Variants in COL9A2 observed in about 807,000 individuals in gnomAD.
COL9A2 encodes collagen alpha-2(IX) chain.
In COL9A2, 66 loss-of-function variants were observed where a neutral mutation model predicts 111.6. The ratio of observed to expected loss-of-function variants is 0.59; its 90% CI spans 0.48 to 0.73. COL9A2 has a LOEUF of 0.73. COL9A2 is among the 30% of genes least tolerant of loss of function. The pLI is 0.00. For missense variants in COL9A2, 881 were observed against 954.1 expected (o/e 0.92, Z 1.01); for synonymous variants, 353 against 364.1 (o/e 0.97, Z 0.35).
At chr1:40,308,523 TC>T (rs1644066102) in intron 16 of COL9A2, among the ~76,000 whole-genome samples, 2 of 152,142 alleles carry the variant, frequency 1.3e-5, no homozygotes, top group African/African-American at 4.8e-5. Context: ...GGCCCCACAA[TC>T]CACTCAGCCA....
At position 40,316,124 on chromosome 1, in the gene COL9A2, T is replaced by A. The variant is rs1386249216; in HGVS notation, c.76-460A>T. The A allele has an allele frequency of 6.1e-6, 1 of 163,344 alleles. No individual in the cohort carries two copies. The highest frequency in any genetic ancestry group is 1.3e-5 in the Non-Finnish European group (1 of 74,584). The allele number at this position is 163,344 out of a possible 1,614,324, so 10.1% of individuals were successfully genotyped here. On this transcript the variant is annotated intron_variant, in intron 1 of 31. Transcript: ENST00000372748. This position sits in a 1 kb window ranked among gnomAD's most constrained non-coding sequence, Gnocchi z 5.5. ...CAGTGAGCGGTGGCTCGGGTTGTTG[T>A]TCTTACGTGAACGACAGGCAGAGAC... is the stretch of plus-strand genomic sequence containing the variant.
In COL9A2 at chr1:40,308,557, A is replaced by G. The variant is rs74068391; in HGVS notation, c.847-312T>C. ...CCAAAGGAACACAACAACCGAATGC[A>G]GTGTGTGGATGCTGTGTGAGTCTTG... On this transcript the variant is annotated intron_variant, in intron 16 of 31. Transcript: ENST00000372748. 0.029 allele frequency among the ~76,000 whole-genome samples: 4,360 copies of G among 152,342 alleles called. 139 individuals carry two copies. Among genetic ancestry groups the G allele is most frequent in the East Asian group, 0.1 (520 of 5,188 alleles).
chr1:40,303,170 C>T lies in COL9A2; in HGVS notation c.1564G>A (p.Asp522Asn), dbSNP rs150020975. 6.2e-6 allele frequency: 10 copies of T among 1,612,054 alleles called. No homozygotes were observed. The African/African-American group carries it at 1.2e-4, about 19-fold the overall frequency. The change falls in exon 29 of 32, where the codon GAC becomes AAC. Residue 522 changes from aspartate (D) to asparagine (N), a missense_variant. By Grantham distance (23) the Asp-to-Asn change is conservative. Coordinates refer to ENST00000372748, the MANE Select transcript of COL9A2 (RefSeq NM_001852.4). This position sits in a 1 kb window ranked among gnomAD's most constrained non-coding sequence, Gnocchi z 4.6. ...RQGVEGRDAT[D>N]QHIVDVALKM... is the part of the protein sequence containing the mutation. ...AGCGCCACATCCACGATGTGCTGGTCAGTGGCATCCCGGCCCTGAAAGCAG... is the reference window on the plus strand; with the variant it reads ...AGCGCCACATCCACGATGTGCTGGTTAGTGGCATCCCGGCCCTGAAAGCAG...
intron 4 of COL9A2, among the ~76,000 whole-genome samples, chr1:40,313,822 C>T (rs1186889828): frequency 6.6e-6 from 1 of 152,154 alleles, no homozygotes; most frequent in African/African-American, 2.4e-5. Context: ...TGAGTCATGC[C>T]TGGGGCTGTG....
rs201605482 is a variant in COL9A2, at chr1:40,303,655, C to G, written c.1423G>C (p.Gly475Arg). The change falls in exon 28 of 32, where the codon GGC (glycine) becomes CGC (arginine). Residue 475 changes from glycine (G) to arginine (R), a missense_variant. Physicochemically the swap from Gly to Arg is moderately radical, Grantham distance 125. Coordinates refer to ENST00000372748, the MANE Select transcript of COL9A2 (RefSeq NM_001852.4). This position sits in a 1 kb window ranked among gnomAD's most constrained non-coding sequence, Gnocchi z 4.6. ...KGQQGVRGEP[G>R]YPGPSGDAGA... ...GCATCCCCGCTGGGGCCAGGGTAGCCGGGTTCTCCACGTACTCCTTGCTGC... is the reference window on the plus strand; with the variant it reads ...GCATCCCCGCTGGGGCCAGGGTAGCGGGGTTCTCCACGTACTCCTTGCTGC... 5 of 1,537,652 alleles carry G rather than the reference C, an allele frequency of 3.3e-6. No homozygotes were observed. The highest frequency in any genetic ancestry group is 8.8e-7 in the Non-Finnish European group (1 of 1,138,896).
chr1:40,312,604 C>T lies in COL9A2; in HGVS notation c.309G>A (p.Gln103=), dbSNP rs1334178862. ...GPMGIPGVKG[Q]PGLPGPPGLP... ...GGCCAGGAGGACCAGGAAGCCCGGGCTGGCCCTGCAGAAGCAACGAGAAAG... is the reference window on the plus strand; with the variant it reads ...GGCCAGGAGGACCAGGAAGCCCGGGTTGGCCCTGCAGAAGCAACGAGAAAG... The change falls in exon 6 of 32, where the codon CAG becomes CAA. Residue 103 remains glutamine (Q), a synonymous_variant. Transcript: ENST00000372748. This position sits in a 1 kb window ranked among gnomAD's most constrained non-coding sequence, Gnocchi z 6.0. 1 of 1,613,996 alleles carries T rather than the reference C, an allele frequency of 6.2e-7. No homozygotes were observed. Among genetic ancestry groups the T allele is most frequent in the Admixed American group, 1.7e-5 (1 of 60,000 alleles).
At position 40,316,887 on chromosome 1, in the gene COL9A2, G is replaced by A. The variant is rs1372875228; in HGVS notation, c.75+236C>T. ...TGCCCCACGCTGCCTGTCCCGGGCCGGGCCGCGCGTCTGGGGACGGGTCCC... is the reference window on the plus strand; with the variant it reads ...TGCCCCACGCTGCCTGTCCCGGGCCAGGCCGCGCGTCTGGGGACGGGTCCC... On this transcript the variant is annotated intron_variant, in intron 1 of 31. Transcript: ENST00000372748. The surrounding 1 kb of genome is among the most constrained non-coding windows in gnomAD (Gnocchi z 5.5). Among the ~76,000 whole-genome samples the A allele has an allele frequency of 6.6e-6, 1 of 152,196 alleles. No homozygotes were observed. Among genetic ancestry groups the A allele is most frequent in the Non-Finnish European group, 1.5e-5 (1 of 68,016 alleles).
In COL9A2 at chr1:40,312,281, A is replaced by G. The variant is rs1644142844; in HGVS notation, c.364-169T>C. On this transcript the variant is annotated intron_variant, in intron 7 of 31. Coordinates refer to ENST00000372748, the MANE Select transcript of COL9A2 (RefSeq NM_001852.4). The surrounding 1 kb of genome is among the most constrained non-coding windows in gnomAD (Gnocchi z 6.0). ...GGCTTTAAGGACCAGAGAATTGCAG[A>G]GCCAGTGGACAGGCCCAGAGTGGGC... is the stretch of plus-strand genomic sequence containing the variant. 1 of 1,029,958 alleles carries G rather than the reference A, an allele frequency of 9.7e-7. No individual in the cohort carries two copies. The highest frequency in any genetic ancestry group is 1.5e-6 in the Non-Finnish European group (1 of 681,282). The allele number at this position is 1,029,958 out of a possible 1,614,324, so 63.8% of individuals were successfully genotyped here.
At position 40,316,564 on chromosome 1, in the gene COL9A2, C is replaced by T. The variant is rs1043594441; in HGVS notation, c.75+559G>A. 27 of 453,456 alleles carry T rather than the reference C, an allele frequency of 6.0e-5. No individual in the cohort carries two copies. The highest frequency in any genetic ancestry group is 5.3e-4 in the African/African-American group (26 of 49,374). The allele number at this position is 453,456 out of a possible 1,614,324, so 28.1% of individuals were successfully genotyped here. On this transcript the variant is annotated intron_variant, in intron 1 of 31. Coordinates refer to ENST00000372748, the MANE Select transcript of COL9A2 (RefSeq NM_001852.4). This position sits in a 1 kb window ranked among gnomAD's most constrained non-coding sequence, Gnocchi z 5.5. ...GCAGGGGTCCCGGTGCCCACGACCT[C>T]CCCAGGCCGCGAAGTGCCAGGCTGG...
chr1:40,305,658 C>T (rs753633255), intron 21 of COL9A2, 57 bp downstream of exon 21: 65 of 1,515,920 alleles, frequency 4.3e-5, no homozygotes, highest in Non-Finnish European at 5.8e-5. Flanking sequence ...GTTAGGGCTC[C>T]ACCCCATGGC....
Position 40,311,900 on chromosome 1 carries a change from C to T in COL9A2, c.417+159G>A, listed in dbSNP as rs1485768674. ...GGGGCCAGCGGCGTCCCTAAAAGAC[C>T]TAGTGCCGGGTGGGCTCATAGGAGG... On this transcript the variant is annotated intron_variant, in intron 8 of 31. Transcript: ENST00000372748. The surrounding 1 kb of genome is among the most constrained non-coding windows in gnomAD (Gnocchi z 5.1). Among the ~76,000 whole-genome samples, 1 of 152,176 alleles carries T rather than the reference C, an allele frequency of 6.6e-6. No homozygotes were observed. The highest frequency in any genetic ancestry group is 2.1e-4 in the South Asian group (1 of 4,830).
chr1:40,309,043 C>T (rs1644074275), intron 16 of COL9A2, among the ~76,000 whole-genome samples: 1 of 152,086 alleles, frequency 6.6e-6, no homozygotes, highest in Non-Finnish European at 1.5e-5. Flanking sequence ...GTCAGGAGTT[C>T]GAGACCAGCC....
chr1:40,308,182 T>C lies in COL9A2; in HGVS notation c.900+10A>G. 6.2e-7 allele frequency: 1 copy of C among 1,614,024 alleles called. No individual in the cohort carries two copies. Among genetic ancestry groups the C allele is most frequent in the Non-Finnish European group, 8.5e-7 (1 of 1,179,908 alleles). ...CTCTGTCCTGGTGGGCCTAGGCCTC[T>C]GGCACCTACCGTTGCTCCTTTCGGG... is the stretch of plus-strand genomic sequence containing the variant. On this transcript the variant is annotated intron_variant, in intron 17 of 31. Transcript: ENST00000372748.
Position 40,301,296 on chromosome 1 carries a change from A to G in COL9A2, c.1956T>C (p.Pro652=). Residue 652 remains proline, a synonymous_variant, in exon 32 of 32, where the codon CCT becomes CCC. Transcript: ENST00000372748. ...SPGAPGEAGR[P]GLPGPVGLPG... Reference sequence around the variant, plus strand: ...GCAGCCCCACGGGGCCTGGCAGGCCAGGTCGACCTGCCTCTCCTGGAGCCC... The same window carrying G: ...GCAGCCCCACGGGGCCTGGCAGGCCGGGTCGACCTGCCTCTCCTGGAGCCC... 1 of 1,612,714 alleles carries G rather than the reference A, an allele frequency of 6.2e-7. No homozygotes were observed. The highest frequency in any genetic ancestry group is 8.5e-7 in the Non-Finnish European group (1 of 1,179,204).
intron 31 of COL9A2, 114 bp from the exon 32 acceptor site, chr1:40,301,495 A>C: frequency 1.1e-6 from 1 of 870,816 alleles, no homozygotes; most frequent in Non-Finnish European, 1.8e-6. Flanking sequence ...CCATAGGAGA[A>C]AGGACTCTGC....
rs1643923531 is a variant in COL9A2, at chr1:40,302,115, T to C, written c.1793-226A>G. On this transcript the variant is annotated intron_variant, in intron 30 of 31. Transcript: ENST00000372748. This position sits in a 1 kb window ranked among gnomAD's most constrained non-coding sequence, Gnocchi z 4.5. The stretch of plus-strand genomic sequence containing the variant: ...TTACAGGAAAGCAAGCATAACAATA[T>C]CTAGCATTTACTGTGTCTCAGTGAA... 6.6e-6 allele frequency among the ~76,000 whole-genome samples: 1 copy of C among 150,566 alleles called. No homozygotes were observed. Among genetic ancestry groups the C allele is most frequent in the African/African-American group, 2.5e-5 (1 of 39,992 alleles).
chr1:40,316,023 G>C lies in COL9A2; in HGVS notation c.76-359C>G, dbSNP rs1224792800. 1 of 242,042 alleles carries C rather than the reference G, an allele frequency of 4.1e-6. No homozygotes were observed. The highest frequency in any genetic ancestry group is 8.0e-6 in the Non-Finnish European group (1 of 124,760). The allele number at this position is 242,042 out of a possible 1,614,324, so 15.0% of individuals were successfully genotyped here. A position where few individuals can be genotyped will look rare whatever the true frequency, so the allele number is the denominator to read the frequency against. On this transcript the variant is annotated intron_variant, in intron 1 of 31. Coordinates refer to ENST00000372748, the MANE Select transcript of COL9A2 (RefSeq NM_001852.4). This position sits in a 1 kb window ranked among gnomAD's most constrained non-coding sequence, Gnocchi z 5.5. ...TTTGCCCTTGCGCGGTCGCGGTGGG[G>C]AATAGATGGAGACGTGGACAGCTCA... is the stretch of plus-strand genomic sequence containing the variant.
intron 21 of COL9A2, among the ~76,000 whole-genome samples, chr1:40,305,183 TCA>T (rs1334775801): frequency 6.9e-6 from 1 of 145,938 alleles, no homozygotes; most frequent in African/African-American, 2.5e-5. Flanking sequence ...TTCTCCTGCC[TCA>T]GCCTCCAGAG....
chr1:40,312,850 A>C lies in COL9A2; in HGVS notation c.250-66T>G. On this transcript the variant is annotated intron_variant, in intron 4 of 31. Coordinates refer to ENST00000372748, the MANE Select transcript of COL9A2 (RefSeq NM_001852.4). The surrounding 1 kb of genome is among the most constrained non-coding windows in gnomAD (Gnocchi z 6.0). ...TGCTCCCTGACCCACAGAGCAGGGC[A>C]GGTTCAAGGGTCCCTCCTGGGTGGG... 1.4e-6 allele frequency: 2 copies of C among 1,449,426 alleles called. No homozygotes were observed. The highest frequency in any genetic ancestry group is 2.5e-5 in the South Asian group (2 of 81,548). 89.8% of individuals were successfully genotyped at this position (1,449,426 alleles called of 1,614,324 possible). A position where few individuals can be genotyped will look rare whatever the true frequency, so the allele number is the denominator to read the frequency against.
Sources: allele counts gnomAD v4.1 joint callset (sites outside exome capture counted in the v4.1 genomes callset), GRCh38; gene constraint gnomAD v4.1.1; non-coding constraint Gnocchi (gnomAD v3.1); transcripts MANE v1.5; gene names NCBI Gene and HGNC (gene_info 2026-07-23, HGNC 2026-07-21).